The following SNX8 variants were observed in gnomAD, a reference collection of about 807,000 sequenced individuals.
The protein encoded by SNX8 is sorting nexin 8.
A neutral mutation model predicts 51.6 loss-of-function variants in SNX8; 25 were observed. That is an observed-to-expected ratio of 0.48 (90% CI 0.35 to 0.68). The LOEUF (loss-of-function observed/expected upper bound fraction) is 0.68, where lower values mean the gene tolerates loss of function less well. SNX8 is among the 30% of genes least tolerant of loss of function. The probability of loss-of-function intolerance (pLI) is 0.00; values close to 1 mark genes in which losing one functional copy is unlikely to be tolerated. For synonymous variants in SNX8, 324 were observed against 277.0 expected (o/e 1.17, Z -1.68); for missense variants, 695 against 624.0 (o/e 1.11, Z -1.21).
intron 1 of SNX8, among the ~76,000 whole-genome samples, chr7:2,297,267 G>C (rs144126720): frequency 6.6e-6 from 1 of 151,388 alleles, no homozygotes; most frequent in African/African-American, 2.4e-5. Flanking sequence ...ACATCAAAAA[G>C]GGGACGGGCA....
chr7:2,314,993 C>T (rs547396574), upstream of SNX8, among the ~76,000 whole-genome samples: 9 of 151,062 alleles, frequency 6.0e-5, no homozygotes, highest in East Asian at 1.7e-3. Flanking sequence ...TGCAATCATT[C>T]ACCCACTCAC....
chr7:2,295,322 T>C (rs1436757309), intron 1 of SNX8, among the ~76,000 whole-genome samples: 2 of 147,592 alleles, frequency 1.4e-5, no homozygotes, highest in Admixed American at 6.9e-5. Context: ...GAGAACTGCT[T>C]GAACTCAGGA....
chr7:2,261,434 A>G (rs922358811), intron 7 of SNX8, among the ~76,000 whole-genome samples: 2 of 152,260 alleles, frequency 1.3e-5, no homozygotes, highest in Non-Finnish European at 2.9e-5. Context: ...CTCCGTCTCA[A>G]AAACAAACAA....
In SNX8 at chr7:2,264,414, C is replaced by T. The variant is rs1428740578; in HGVS notation, c.666G>A (p.Arg222=). 6.2e-7 allele frequency: 1 copy of T among 1,612,346 alleles called. No homozygotes were observed. Among genetic ancestry groups the T allele is most frequent in the South Asian group, 1.1e-5 (1 of 91,076 alleles). ...TATTGTAGATGTTCCGGATCAGCTCCCGGCTGATGGCAAACTGAGCCTGGA... is the reference window on the plus strand; with the variant it reads ...TATTGTAGATGTTCCGGATCAGCTCTCGGCTGATGGCAAACTGAGCCTGGA... The part of the protein sequence containing the change: ...ADIQAQFAIS[R]ELIRNIYNSF... The change falls in exon 6 of 11, where the codon CGG becomes CGA. Residue 222 remains arginine (R), a synonymous_variant. Transcript: ENST00000222990.
intron 7 of SNX8, among the ~76,000 whole-genome samples, chr7:2,262,204 A>T (rs114069971): frequency 0.025 from 3,735 of 151,576 alleles, 145 homozygotes; most frequent in African/African-American, 0.086. Context: ...CCCCTGGCTA[A>T]TTTTTTTTTA....
At chr7:2,304,133 C>T (rs1307470991) in intron 1 of SNX8, among the ~76,000 whole-genome samples, 7 of 148,076 alleles carry the variant, frequency 4.7e-5, no homozygotes, top group Admixed American at 2.0e-4. Flanking sequence ...TGCCACTGCA[C>T]TCCAGCCTGG....
intron 1 of SNX8, among the ~76,000 whole-genome samples, chr7:2,352,468 A>G (rs187300519): frequency 5.3e-5 from 8 of 152,208 alleles, no homozygotes; most frequent in Admixed American, 2.6e-4. Flanking sequence ...ATGACAATAT[A>G]TTGTTATAAT....
At chr7:2,300,265 C>T (rs1029143336) in intron 1 of SNX8, among the ~76,000 whole-genome samples, 4 of 152,192 alleles carry the variant, frequency 2.6e-5, no homozygotes, top group Non-Finnish European at 4.4e-5. Flanking sequence ...GGAACTCAGC[C>T]TGTGCCTCAC....
rs373874969 is a variant in SNX8, at chr7:2,258,763, G to A, written c.916-960C>T. Among the ~76,000 whole-genome samples, 97 of 152,266 alleles carry A rather than the reference G, an allele frequency of 6.4e-4. 2 individuals carry two copies. The East Asian group carries it at 0.017, about 26-fold the overall frequency. Reference sequence around the variant, plus strand: ...CACCACACTCGGCGGTGGGGGCAGCGGTGGACACAGGCTCCTCTTCGGCCC... The same window carrying A: ...CACCACACTCGGCGGTGGGGGCAGCAGTGGACACAGGCTCCTCTTCGGCCC... On this transcript the variant is annotated intron_variant, in intron 7 of 10. Coordinates refer to ENST00000222990, the MANE Select transcript of SNX8 (RefSeq NM_013321.4).
chr7:2,314,556 G>A, upstream of SNX8: 1 of 909,068 alleles, frequency 1.1e-6, no homozygotes, highest in Non-Finnish European at 1.3e-6. Context: ...GTCCGCCCCT[G>A]CGGGCCCGCC....
chr7:2,274,022 C>T (rs1264665067), intron 3 of SNX8, among the ~76,000 whole-genome samples: 1 of 152,208 alleles, frequency 6.6e-6, no homozygotes, highest in Non-Finnish European at 1.5e-5. Flanking sequence ...TCCTTAAATG[C>T]GCAAGCGGCC....
At position 2,269,537 on chromosome 7, in the gene SNX8, AAG is replaced by A. The variant is rs998015723; in HGVS notation, c.621+20_621+21del. The A allele has an allele frequency of 1.3e-5, 18 of 1,408,048 alleles. No homozygotes were observed. Among genetic ancestry groups the A allele is most frequent in the African/African-American group, 2.9e-5 (2 of 67,958 alleles). 87.2% of individuals were successfully genotyped at this position (1,408,048 alleles called of 1,614,324 possible). On this transcript the variant is annotated intron_variant, in intron 5 of 10. Transcript: ENST00000222990. ...AAAAAATAAATTAAAAAAAAAAAAA[AAG>A]AAAAAAAAAAGAAAAATACCTTGGC...
At chr7:2,347,890 C>T (rs904677449) in intron 1 of SNX8, among the ~76,000 whole-genome samples, 4 of 85,044 alleles carry the variant, frequency 4.7e-5, no homozygotes, top group South Asian at 4.5e-4. Flanking sequence ...GTGATCTGCC[C>T]GCTTCGGCCT....
chr7:2,351,796 A>G (rs891884712), intron 1 of SNX8, among the ~76,000 whole-genome samples: 3 of 151,654 alleles, frequency 2.0e-5, no homozygotes, highest in East Asian at 1.9e-4. Flanking sequence ...GCACCACTGC[A>G]CTCCAGCCTG....
intron 1 of SNX8, among the ~76,000 whole-genome samples, chr7:2,346,002 T>A (rs1779016016): frequency 6.6e-6 from 1 of 151,912 alleles, no homozygotes; most frequent in African/African-American, 2.4e-5. Flanking sequence ...GAGACAGGGT[T>A]TCACCATGTT....
At chr7:2,289,871 T>C (rs1391228203) in intron 1 of SNX8, among the ~76,000 whole-genome samples, 1 of 152,172 alleles carries the variant, frequency 6.6e-6, no homozygotes, top group Non-Finnish European at 1.5e-5. Flanking sequence ...CGCTCCTGCC[T>C]GGGCAACAGA....
chr7:2,265,838 A>G (rs1795450204), intron 5 of SNX8, among the ~76,000 whole-genome samples: 1 of 152,054 alleles, frequency 6.6e-6, no homozygotes, highest in Non-Finnish European at 1.5e-5. Flanking sequence ...TTGGCCAGGC[A>G]TGGTGGCTCA....
chr7:2,331,470 G>A (rs1404079108), intron 1 of SNX8, among the ~76,000 whole-genome samples: 1 of 151,862 alleles, frequency 6.6e-6, no homozygotes, highest in African/African-American at 2.4e-5. Context: ...ACTTTAGGAG[G>A]TCAAGAGGGC....
rs773938390 is a variant in SNX8 at position 2,257,611 on chromosome 7, C to T, written c.985-97G>A. The T allele has an allele frequency of 5.8e-6, 9 of 1,559,950 alleles. No individual in the cohort carries two copies. In the African/African-American group the frequency reaches 8.1e-5, roughly 14 times the overall value. ...GAAGCACCCCCGCCAGACGGAAGGCCCCGTCTTCCCCTGCAGCCCTGGCTT... is the reference window on the plus strand; with the variant it reads ...GAAGCACCCCCGCCAGACGGAAGGCTCCGTCTTCCCCTGCAGCCCTGGCTT... On this transcript the variant is annotated intron_variant, in intron 8 of 10. Coordinates refer to ENST00000222990, the MANE Select transcript of SNX8 (RefSeq NM_013321.4).
Sources: gnomAD v4.1 joint callset for allele counts (sites outside exome capture counted in the v4.1 genomes callset) on GRCh38, gnomAD v4.1.1 for gene constraint, MANE v1.5 for transcripts, NCBI Gene and HGNC (gene_info 2026-07-23, HGNC 2026-07-21) for gene names.